Variants in ROR1 observed in about 807,000 individuals in gnomAD.
ROR1 encodes ROR family WNT receptor 1.
ROR1 carries 19 observed loss-of-function variants against 78.8 expected under a neutral mutation model. The observed-to-expected ratio is 0.24, with a 90% CI of 0.17 to 0.35. The LOEUF (loss-of-function observed/expected upper bound fraction) is 0.35, where lower values mean the gene tolerates loss of function less well. ROR1 is among the 10% of genes least tolerant of loss of function. ROR1 has a pLI of 1.00. For missense variants in ROR1, 917 were observed against 1,177.8 expected, an observed-to-expected ratio of 0.78 and a Z score of 3.24; for synonymous variants, 386 against 433.6, an observed-to-expected ratio of 0.89 and a Z score of 1.36.
At chr1:63,788,236 C>T (rs1270580900) in intron 1 of ROR1, among the ~76,000 whole-genome samples, 1 of 152,160 alleles carries the variant, frequency 6.6e-6, no homozygotes. Flanking sequence ...AGTTTGATTG[C>T]TTTTTCTGAT....
At chr1:64,007,408 G>GTGTC (rs1438338999) in intron 1 of ROR1, among the ~76,000 whole-genome samples, 1 of 151,192 alleles carries the variant, frequency 6.6e-6, no homozygotes, top group Non-Finnish European at 1.5e-5. Context: ...GTGTGTGTGT[G>GTGTC]TAGACATAGC....
chr1:64,169,443 A>T (rs938986936), intron 8 of ROR1, among the ~76,000 whole-genome samples: 1 of 152,088 alleles, frequency 6.6e-6, no homozygotes, highest in Non-Finnish European at 1.5e-5. Context: ...CTCTCATGAG[A>T]CTTATTCACT....
chr1:63,861,888 A>G (rs575781958), intron 1 of ROR1, among the ~76,000 whole-genome samples: 49 of 152,186 alleles, frequency 3.2e-4, no homozygotes, highest in African/African-American at 1.1e-3. Context: ...TAGAGTGGAG[A>G]CGCCTTTCCT....
chr1:63,823,285 T>C (rs1276451604), intron 1 of ROR1, among the ~76,000 whole-genome samples: 1 of 151,992 alleles, frequency 6.6e-6, no homozygotes, highest in Admixed American at 6.6e-5. Flanking sequence ...TGTTGAATCC[T>C]CCCATCCACC....
chr1:64,073,284 CA>C (rs1358073780), intron 4 of ROR1, among the ~76,000 whole-genome samples: 1 of 152,288 alleles, frequency 6.6e-6, no homozygotes, highest in Non-Finnish European at 1.5e-5. Context: ...CTTGCCCAAT[CA>C]GTCAGAAGAT....
At chr1:63,896,241 A>C (rs1049560030) in intron 1 of ROR1, among the ~76,000 whole-genome samples, 8 of 152,146 alleles carry the variant, frequency 5.3e-5, no homozygotes, top group African/African-American at 1.7e-4. Context: ...CCCTTTCTGA[A>C]GTTGTTTTGA....
chr1:63,825,129 C>A (rs1444013953), intron 1 of ROR1, among the ~76,000 whole-genome samples: 1 of 152,152 alleles, frequency 6.6e-6, no homozygotes, highest in Non-Finnish European at 1.5e-5. Flanking sequence ...TTGGCAGTTT[C>A]TTTAAAAATT....
chr1:63,934,512 T>C (rs1171043394), intron 1 of ROR1, among the ~76,000 whole-genome samples: 1 of 152,164 alleles, frequency 6.6e-6, no homozygotes, highest in African/African-American at 2.4e-5. Context: ...AAGGCCACAT[T>C]TTACCCTCAA....
chr1:64,120,809 G>T (rs549059936), intron 4 of ROR1, among the ~76,000 whole-genome samples: 1 of 152,258 alleles, frequency 6.6e-6, no homozygotes, highest in Non-Finnish European at 1.5e-5. Context: ...GTCTAAGTTG[G>T]TGTAATAAAT....
In ROR1 at chr1:64,181,493, A is replaced by G. The variant is rs981724127; in HGVS notation, c.*2638A>G. The G allele has an allele frequency of 2.0e-5, 3 of 152,196 alleles. No homozygotes were observed. Among genetic ancestry groups the G allele is most frequent in the African/African-American group, 7.2e-5 (3 of 41,468 alleles). 9.4% of individuals were successfully genotyped at this position (152,196 alleles called of 1,614,324 possible). On this transcript the variant is annotated 3_prime_UTR_variant, in exon 9 of 9. Coordinates refer to ENST00000371079, the MANE Select transcript of ROR1 (RefSeq NM_005012.4). ...CTGCTGTTTATTAAAAATGTTTACT[A>G]TAAAATATTATTTCCTGAATATTGC...
intron 4 of ROR1, among the ~76,000 whole-genome samples, chr1:64,131,176 A>G (rs917189319): frequency 3.3e-5 from 5 of 152,122 alleles, no homozygotes; most frequent in African/African-American, 4.8e-5. Flanking sequence ...CTTTCCTTCA[A>G]GGGTTTTAGG....
chr1:64,028,536 A>G (rs1646634079), intron 2 of ROR1, among the ~76,000 whole-genome samples: 1 of 152,180 alleles, frequency 6.6e-6, no homozygotes, highest in Non-Finnish European at 1.5e-5. Flanking sequence ...TGTTTTTCTG[A>G]AAGCAGTGTT....
At chr1:64,133,887 C>T (rs1046223553) in intron 4 of ROR1, among the ~76,000 whole-genome samples, 1 of 152,140 alleles carries the variant, frequency 6.6e-6, no homozygotes, top group Non-Finnish European at 1.5e-5. Flanking sequence ...CTGATTAATG[C>T]TGGAGGAGCA....
chr1:63,889,529 C>T (rs855841), intron 1 of ROR1, among the ~76,000 whole-genome samples: 125,179 of 152,132 alleles, frequency 0.82, 53,462 homozygotes, highest in East Asian at 1. Context: ...CCTGGAAGAA[C>T]GAAGTGCATG....
intron 4 of ROR1, among the ~76,000 whole-genome samples, chr1:64,082,787 C>G (rs1231235961): frequency 6.6e-6 from 1 of 152,238 alleles, no homozygotes; most frequent in Non-Finnish European, 1.5e-5. Flanking sequence ...CCCATTCAAT[C>G]TCCCTTCTTC....
At chr1:64,050,613 T>C in intron 3 of ROR1, 73 bp from the exon 4 acceptor site, 2 of 1,358,174 alleles carry the variant, frequency 1.5e-6, no homozygotes, top group South Asian at 2.3e-5. Context: ...TTTGTAATGA[T>C]TTGACTGTAT....
intron 1 of ROR1, among the ~76,000 whole-genome samples, chr1:63,981,524 T>C (rs897945613): frequency 1.3e-5 from 2 of 152,154 alleles, no homozygotes; most frequent in African/African-American, 4.8e-5. Flanking sequence ...TGTTATCTTA[T>C]GAAATATCCC....
At chr1:63,853,164 C>T (rs1022289389) in intron 1 of ROR1, among the ~76,000 whole-genome samples, 5 of 152,176 alleles carry the variant, frequency 3.3e-5, no homozygotes, top group African/African-American at 1.2e-4. Context: ...ATCCCCTGCT[C>T]CCAGCATCAT....
At chr1:63,891,192 C>G (rs1043419278) in intron 1 of ROR1, among the ~76,000 whole-genome samples, 1 of 152,154 alleles carries the variant, frequency 6.6e-6, no homozygotes, top group Non-Finnish European at 1.5e-5. Context: ...TCTCCTATGC[C>G]TGATTGGTTA....
Sources: allele counts gnomAD v4.1 joint callset (sites outside exome capture counted in the v4.1 genomes callset), GRCh38; gene constraint gnomAD v4.1.1; transcripts MANE v1.5; gene names NCBI Gene and HGNC (gene_info 2026-07-23, HGNC 2026-07-21).